The following POLN variants were observed in gnomAD, a reference collection of about 807,000 sequenced individuals.
POLN encodes the protein DNA polymerase N.
POLN carries 108 observed loss-of-function variants against 113.5 expected under a neutral mutation model. That is an observed-to-expected ratio of 0.95 (90% CI 0.81 to 1.12). The LOEUF (loss-of-function observed/expected upper bound fraction) is 1.12. Among genes scored for constraint, POLN ranks in the 50% most tolerant of loss-of-function variants. The pLI is 0.00. For synonymous variants in POLN, 386 were observed against 391.5 expected (o/e 0.99, Z 0.17); for missense variants, 1,097 against 1,077.1 (o/e 1.02, Z -0.26).
chr4:2,089,755 G>A (rs1383570014), intron 20 of POLN: 1 of 703,484 alleles, frequency 1.4e-6, no homozygotes, highest in Non-Finnish European at 2.4e-6. Flanking sequence ...TATCATTATG[G>A]ACTTTAAATC....
intron 17 of POLN, 99 bp from the exon 18 acceptor site, chr4:2,129,355 GAGTTA>G (rs1731665031): frequency 1.3e-6 from 1 of 752,932 alleles, no homozygotes; most frequent in Non-Finnish European, 2.2e-6. Flanking sequence ...CTGAAGTCCA[GAGTTA>G]AGATTTTAAA....
chr4:2,123,691 A>C (rs1348605699), intron 19 of POLN, among the ~76,000 whole-genome samples: 1 of 151,068 alleles, frequency 6.6e-6, no homozygotes, highest in East Asian at 1.9e-4. Flanking sequence ...CTGTGGTCCC[A>C]GCTACTTGGG....
chr4:2,166,555 C>T (rs539308161), intron 13 of POLN, among the ~76,000 whole-genome samples: 2 of 152,248 alleles, frequency 1.3e-5, no homozygotes, highest in African/African-American at 4.8e-5. Context: ...AGGAGGCTGG[C>T]ATGTGGGTTG....
At chr4:2,116,884 G>A (rs150138821) in intron 19 of POLN, among the ~76,000 whole-genome samples, 1 of 152,346 alleles carries the variant, frequency 6.6e-6, no homozygotes, top group East Asian at 1.9e-4. Context: ...TGCTGACTCA[G>A]ACGCCTAGCA....
chr4:2,206,833 A>C (rs1407738671), intron 5 of POLN, among the ~76,000 whole-genome samples: 1 of 152,260 alleles, frequency 6.6e-6, no homozygotes, highest in Non-Finnish European at 1.5e-5. Context: ...TATGGCAAAC[A>C]GTGTGGAAAT....
At chr4:2,105,346 C>T (rs752265786) in intron 19 of POLN, among the ~76,000 whole-genome samples, 5 of 152,084 alleles carry the variant, frequency 3.3e-5, no homozygotes, top group Non-Finnish European at 7.4e-5. Flanking sequence ...TTTTCCCCTA[C>T]AACCCATTCT....
chr4:2,102,909 C>T (rs979548420), intron 19 of POLN, among the ~76,000 whole-genome samples: 1 of 152,176 alleles, frequency 6.6e-6, no homozygotes, highest in Non-Finnish European at 1.5e-5. Context: ...GTCACATCTT[C>T]AGGAACCCCC....
chr4:2,216,706 C>G (rs1240571121), intron 3 of POLN, among the ~76,000 whole-genome samples: 1 of 152,230 alleles, frequency 6.6e-6, no homozygotes, highest in Non-Finnish European at 1.5e-5. Context: ...ATGCCTGTAA[C>G]GTGTGTTGGT....
chr4:2,151,040 T>C (rs1268679709), intron 16 of POLN, among the ~76,000 whole-genome samples: 1 of 152,162 alleles, frequency 6.6e-6, no homozygotes, highest in African/African-American at 2.4e-5. Context: ...AAGCCACAGA[T>C]TGGAAGAAAA....
intron 6 of POLN, among the ~76,000 whole-genome samples, chr4:2,195,034 A>G (rs1284935443): frequency 6.6e-6 from 1 of 152,132 alleles, no homozygotes; most frequent in Non-Finnish European, 1.5e-5. Flanking sequence ...GTACAGAGAG[A>G]ATGTGAAGGT....
rs34258088 is a variant in POLN at position 2,176,104 on chromosome 4, T to C, written c.1248+162A>G. On this transcript the variant is annotated intron_variant, in intron 9 of 25. Transcript: ENST00000511885. Reference sequence around the variant, plus strand: ...AGCATTTTTAAAACTTCAGTTCTTATCATTCTAGACAACCCTTTTCTGAGT... The same window carrying C: ...AGCATTTTTAAAACTTCAGTTCTTACCATTCTAGACAACCCTTTTCTGAGT... Among the ~76,000 whole-genome samples, 622 of 152,360 alleles carry C rather than the reference T, an allele frequency of 4.1e-3. 7 individuals are homozygous for C. Among genetic ancestry groups the C allele is most frequent in the African/African-American group, 0.014 (590 of 41,584 alleles).
intron 16 of POLN, among the ~76,000 whole-genome samples, chr4:2,142,025 A>T (rs1042959707): frequency 1.4e-4 from 21 of 152,194 alleles, no homozygotes; most frequent in African/African-American, 5.1e-4. Context: ...CAAGCCAAGG[A>T]GGTACCCTCT....
In POLN at chr4:2,237,086, G is replaced by A. The variant is rs574548887; in HGVS notation, c.-13+4434C>T. 1.6e-3 allele frequency among the ~76,000 whole-genome samples: 247 copies of A among 151,916 alleles called. 1 individual carries two copies. Among genetic ancestry groups the A allele is most frequent in the African/African-American group, 5.7e-3 (237 of 41,396 alleles). On this transcript the variant is annotated intron_variant, in intron 2 of 25. Transcript: ENST00000511885. ...CTTCTTAACTTTAACTGCCACTAAC[G>A]TACTTCAAAGTGCACTTCAGAGATA... is the stretch of plus-strand genomic sequence containing the variant.
At chr4:2,238,781 TATG>T (rs768642929) in intron 2 of POLN, 22 of 1,613,700 alleles carry the variant, frequency 1.4e-5, no homozygotes, top group Non-Finnish European at 1.4e-5. Flanking sequence ...TTCAATTTCA[TATG>T]ATAACTGTAG....
chr4:2,203,485 C>T (rs1022659531), intron 5 of POLN, among the ~76,000 whole-genome samples: 2 of 150,870 alleles, frequency 1.3e-5, no homozygotes, highest in Non-Finnish European at 2.9e-5. Flanking sequence ...GAGGCTGAGA[C>T]AGGAGAATTG....
intron 5 of POLN, among the ~76,000 whole-genome samples, chr4:2,201,189 C>A (rs546311444): frequency 4.2e-4 from 60 of 141,852 alleles, no homozygotes; most frequent in African/African-American, 1.4e-3. Context: ...ATCGCCTGAA[C>A]CCGGGAGGTG....
At chr4:2,146,993 A>G (rs145487459) in intron 16 of POLN, among the ~76,000 whole-genome samples, 61 of 152,334 alleles carry the variant, frequency 4.0e-4, no homozygotes, top group African/African-American at 1.4e-3. Context: ...AGAAAGACTC[A>G]CCAACCAAGA....
At chr4:2,080,354 C>T in intron 23 of POLN, 2 of 946,466 alleles carry the variant, frequency 2.1e-6, no homozygotes, top group Non-Finnish European at 2.5e-6. Context: ...GCCTGGGGGG[C>T]AGCCAGGGCG....
chr4:2,213,263 T>C lies in POLN; in HGVS notation c.134-137A>G, dbSNP rs1577777101. ...TATTAACTTACTTAAAACAATGTAATAAAATTCACAAGTAAAATGCTTAGT... is the reference window on the plus strand; with the variant it reads ...TATTAACTTACTTAAAACAATGTAACAAAATTCACAAGTAAAATGCTTAGT... On this transcript the variant is annotated intron_variant, in intron 3 of 25. Coordinates refer to ENST00000511885, the MANE Select transcript of POLN (RefSeq NM_181808.4). 6.0e-6 allele frequency: 3 copies of C among 496,424 alleles called. No homozygotes were observed. In the East Asian group the frequency reaches 9.9e-5, roughly 16 times the overall value. The allele number at this position is 496,424 out of a possible 1,614,324, so 30.8% of individuals were successfully genotyped here.
Sources: allele counts gnomAD v4.1 joint callset (sites outside exome capture counted in the v4.1 genomes callset), GRCh38; gene constraint gnomAD v4.1.1; transcripts MANE v1.5; gene names NCBI Gene and HGNC (gene_info 2026-07-23, HGNC 2026-07-21).